OSBPL10: variants seen among roughly 807,000 people sequenced by gnomAD.
OSBPL10 encodes oxysterol-binding protein-related protein 10.
Under a neutral mutation model 81.7 loss-of-function variants are expected in OSBPL10, and 49 were observed. The observed-to-expected ratio is 0.60, with a 90% confidence interval of 0.48 to 0.76. OSBPL10 has a LOEUF of 0.76. OSBPL10 is among the 30% of genes least tolerant of loss of function. The pLI, the probability that OSBPL10 is intolerant of heterozygous loss-of-function variation, is 0.00. For missense variants in OSBPL10, 923 were observed against 987.8 expected (o/e 0.93, Z 0.88); for synonymous variants, 419 against 383.6 (o/e 1.09, Z -1.08).
intron 1 of OSBPL10, among the ~76,000 whole-genome samples, chr3:31,957,957 A>T (rs962290309): frequency 2.0e-5 from 3 of 152,226 alleles, no homozygotes; most frequent in African/African-American, 7.2e-5. Flanking sequence ...GTTTTTAAAA[A>T]TGCATCTTTA....
intron 3 of OSBPL10, among the ~76,000 whole-genome samples, chr3:31,850,345 G>GAA (rs1700733352): frequency 6.6e-6 from 1 of 151,144 alleles, no homozygotes; most frequent in Non-Finnish European, 1.5e-5. Context: ...AAAAGAAAAA[G>GAA]AAAGAAAAAA....
At chr3:31,770,004 T>C (rs1053213017) in intron 4 of OSBPL10, among the ~76,000 whole-genome samples, 6 of 152,198 alleles carry the variant, frequency 3.9e-5, no homozygotes, top group Admixed American at 1.3e-4. Flanking sequence ...GTTCTGCCTG[T>C]ACCTAGAAGC....
intron 1 of OSBPL10, among the ~76,000 whole-genome samples, 197 bp downstream of exon 1, chr3:31,980,702 A>C (rs1322047816): frequency 6.6e-6 from 1 of 152,132 alleles, no homozygotes; most frequent in African/African-American, 2.4e-5. Flanking sequence ...GGGTGGAGCC[A>C]CGGCGCGCCC....
In OSBPL10 at chr3:31,663,607, T is replaced by C. The variant is rs988479214; in HGVS notation, c.2250+472A>G. The C allele has an allele frequency of 3.4e-5, 35 of 1,036,756 alleles. No homozygotes were observed. In the South Asian group the frequency reaches 4.0e-4, roughly 12 times the overall value. The allele number at this position is 1,036,756 out of a possible 1,614,324, so 64.2% of individuals were successfully genotyped here. ...TCAGGCTGGCCTTCCCCTGCATGAC[T>C]AGCCCTTGTGGCCCACAGGAGGCAA... On this transcript the variant is annotated intron_variant, in intron 11 of 11. Transcript: ENST00000396556.
chr3:31,750,997 C>T (rs1215953658), intron 4 of OSBPL10, among the ~76,000 whole-genome samples: 1 of 152,042 alleles, frequency 6.6e-6, no homozygotes, highest in Non-Finnish European at 1.5e-5. Context: ...ATGAAATCCA[C>T]ATACTAGCTC....
At chr3:31,967,131 C>T (rs1698424874) in intron 1 of OSBPL10, among the ~76,000 whole-genome samples, 2 of 151,992 alleles carry the variant, frequency 1.3e-5, no homozygotes. Flanking sequence ...CCAAATCAAT[C>T]TTGCACATCA....
At chr3:31,810,269 C>CACAA (rs1225201490) in intron 4 of OSBPL10, among the ~76,000 whole-genome samples, 1 of 152,098 alleles carries the variant, frequency 6.6e-6, no homozygotes, top group African/African-American at 2.4e-5. Flanking sequence ...GGTAATATTG[C>CACAA]ACAACTATGT....
chr3:31,975,341 G>A (rs933171787), intron 1 of OSBPL10, among the ~76,000 whole-genome samples: 14 of 152,104 alleles, frequency 9.2e-5, no homozygotes, highest in African/African-American at 3.4e-4. Context: ...CCAGAGCAGT[G>A]ATTTTCAACC....
intron 2 of OSBPL10, among the ~76,000 whole-genome samples, chr3:32,018,887 A>G (rs1249953760): frequency 6.6e-6 from 1 of 152,200 alleles, no homozygotes; most frequent in Non-Finnish European, 1.5e-5. Flanking sequence ...CTCAGCAATG[A>G]AAAGATAAGA....
intron 2 of OSBPL10, chr3:31,990,124 A>G (rs1379342465): frequency 6.2e-7 from 1 of 1,611,692 alleles, no homozygotes; most frequent in Admixed American, 1.7e-5. Flanking sequence ...GGTTTGTGAA[A>G]AGGCTTTCAG....
intron 1 of OSBPL10, among the ~76,000 whole-genome samples, chr3:31,979,786 C>T (rs922180706): frequency 6.6e-6 from 1 of 151,896 alleles, no homozygotes; most frequent in African/African-American, 2.4e-5. Flanking sequence ...GCAGATCACA[C>T]ACACTACCAC....
chr3:31,808,415 T>G (rs1275804872), intron 4 of OSBPL10, among the ~76,000 whole-genome samples: 1 of 152,214 alleles, frequency 6.6e-6, no homozygotes, highest in African/African-American at 2.4e-5. Context: ...AGTATCTCTA[T>G]CCAAGGTGAT....
intron 1 of OSBPL10, among the ~76,000 whole-genome samples, chr3:31,951,741 T>C (rs1697874803): frequency 6.6e-6 from 1 of 151,342 alleles, no homozygotes; most frequent in South Asian, 2.1e-4. Context: ...ATTTAAATTA[T>C]ATGGAGTATT....
chr3:31,712,389 C>A (rs961407375), intron 6 of OSBPL10, among the ~76,000 whole-genome samples: 2 of 152,192 alleles, frequency 1.3e-5, no homozygotes, highest in Admixed American at 6.5e-5. Flanking sequence ...GGGGGCTTTA[C>A]ACATGTGATT....
chr3:31,887,526 G>A (rs567550649), intron 1 of OSBPL10, among the ~76,000 whole-genome samples: 12 of 152,210 alleles, frequency 7.9e-5, no homozygotes, highest in South Asian at 2.1e-4. Context: ...TAATCATTGC[G>A]GTGAAGGAAA....
intron 2 of OSBPL10, among the ~76,000 whole-genome samples, chr3:32,001,043 G>C (rs1205765875): frequency 6.6e-6 from 1 of 152,194 alleles, no homozygotes; most frequent in African/African-American, 2.4e-5. Flanking sequence ...CTAGGACAGA[G>C]AATCAAACTA....
intron 4 of OSBPL10, among the ~76,000 whole-genome samples, chr3:31,786,145 G>A (rs965127899): frequency 6.6e-6 from 1 of 151,992 alleles, no homozygotes; most frequent in African/African-American, 2.4e-5. Flanking sequence ...TTTTTCCACT[G>A]GGTTCTTGGG....
chr3:31,925,535 G>A (rs375037628), intron 1 of OSBPL10, among the ~76,000 whole-genome samples: 13 of 151,568 alleles, frequency 8.6e-5, no homozygotes, highest in African/African-American at 2.7e-4. Context: ...TGCTGGGGCC[G>A]GGCGCAGTGG....
intron 1 of OSBPL10, among the ~76,000 whole-genome samples, chr3:31,896,502 G>A (rs890280475): frequency 2.6e-5 from 4 of 152,136 alleles, no homozygotes; most frequent in East Asian, 1.9e-4. Flanking sequence ...TTGTGGAGAC[G>A]CCACACAAAA....
Sources: allele counts gnomAD v4.1 joint callset (sites outside exome capture counted in the v4.1 genomes callset), GRCh38; gene constraint gnomAD v4.1.1; transcripts MANE v1.5; gene names NCBI Gene and HGNC (gene_info 2026-07-23, HGNC 2026-07-21).